The following TPTE variants were observed in gnomAD, a reference collection of about 807,000 sequenced individuals.
TPTE encodes transmembrane phosphatase with tensin homology.
In TPTE, 59 loss-of-function variants were observed where a neutral mutation model predicts 84.1. That is an observed-to-expected ratio of 0.70 (90% CI 0.57 to 0.87). The LOEUF is 0.87. Among genes scored for constraint, TPTE ranks in the 40% least tolerant of loss-of-function variants. TPTE has a pLI of 0.00. For missense variants in TPTE, 382 were observed against 659.6 expected (o/e 0.58, Z 4.61); for synonymous variants, 130 against 223.5 (o/e 0.58, Z 3.73).
At chr21:10,560,341 TTAA>T (rs1405500104) in intron 9 of TPTE, among the ~76,000 whole-genome samples, 29 of 152,402 alleles carry the variant, frequency 1.9e-4, no homozygotes, top group African/African-American at 6.5e-4. Flanking sequence ...TCCTTTTGAA[TTAA>T]TAATATTTGA....
chr21:10,543,592 CCATA>C (rs2074411893), intron 7 of TPTE, among the ~76,000 whole-genome samples: 2 of 152,306 alleles, frequency 1.3e-5, no homozygotes, highest in South Asian at 4.1e-4. Context: ...GCCTGCATGG[CCATA>C]CAGAGTGTTT....
At chr21:10,583,688 T>C (rs1346221584) in intron 17 of TPTE, among the ~76,000 whole-genome samples, 12 of 152,294 alleles carry the variant, frequency 7.9e-5, no homozygotes, top group Admixed American at 4.6e-4. Context: ...TGTATTTTCT[T>C]CGAGAAGGTT....
chr21:10,545,638 A>C (rs1264583810), intron 7 of TPTE, among the ~76,000 whole-genome samples: 3 of 145,932 alleles, frequency 2.1e-5, no homozygotes, highest in African/African-American at 8.3e-5. Flanking sequence ...ATCTATCTAC[A>C]CACACACACA....
chr21:10,538,849 TAC>T, intron 4 of TPTE, 115 bp downstream of exon 4: 10 of 1,606,658 alleles, frequency 6.2e-6, no homozygotes, highest in Non-Finnish European at 8.5e-6. Context: ...CATCCATCCG[TAC>T]ACACTTCTCT....
intron 3 of TPTE, among the ~76,000 whole-genome samples, chr21:10,529,793 C>T (rs2074144421): frequency 6.6e-6 from 1 of 152,302 alleles, no homozygotes; most frequent in Admixed American, 6.5e-5. Flanking sequence ...TACTTTCAGT[C>T]TATGTTAAAA....
intron 8 of TPTE, among the ~76,000 whole-genome samples, chr21:10,553,341 C>G (rs1365884340): frequency 6.6e-6 from 1 of 152,308 alleles, no homozygotes; most frequent in Non-Finnish European, 1.5e-5. Flanking sequence ...TATAACCATT[C>G]ACCAGCTTGT....
intron 7 of TPTE, among the ~76,000 whole-genome samples, chr21:10,548,143 G>C (rs2074504774): frequency 6.6e-6 from 1 of 152,304 alleles, no homozygotes; most frequent in Non-Finnish European, 1.5e-5. Context: ...CTGTATCTCA[G>C]ACCTGAGAGA....
chr21:10,561,484 T>C (rs2074802954), intron 10 of TPTE, among the ~76,000 whole-genome samples: 1 of 143,080 alleles, frequency 7.0e-6, no homozygotes, highest in African/African-American at 2.7e-5. Context: ...AGGGTGAGAC[T>C]CCATCTCAAA....
At chr21:10,549,318 C>T (rs1453276523) in intron 7 of TPTE, among the ~76,000 whole-genome samples, 1 of 152,420 alleles carries the variant, frequency 6.6e-6, no homozygotes, top group African/African-American at 2.4e-5. Flanking sequence ...CATGAAAATG[C>T]AAGAAAACAT....
At chr21:10,575,317 C>G (rs2075128594) in intron 14 of TPTE, among the ~76,000 whole-genome samples, 1 of 152,310 alleles carries the variant, frequency 6.6e-6, no homozygotes, top group African/African-American at 2.4e-5. Context: ...CCTGTAGGGG[C>G]TTTAACCACT....
intron 21 of TPTE, among the ~76,000 whole-genome samples, chr21:10,600,353 G>T (rs527939010): frequency 2.0e-5 from 3 of 152,422 alleles, no homozygotes; most frequent in African/African-American, 7.2e-5. Flanking sequence ...TGGTCAGGCT[G>T]GTCTCAAACT....
intron 17 of TPTE, among the ~76,000 whole-genome samples, chr21:10,580,721 T>A (rs2075256822): frequency 6.6e-6 from 1 of 152,312 alleles, no homozygotes; most frequent in South Asian, 2.1e-4. Flanking sequence ...CTGTTTTTGT[T>A]CCAGTAATAT....
Position 10,605,310 on chromosome 21 carries a change from A to G in TPTE, c.1521-107A>G, listed in dbSNP as rs1426711805. ...CAAAAAAAGGGCTGAGGTTCTATTC[A>G]TGGTGAGGTTCTTTTTTTGTTTCTT... On this transcript the variant is annotated intron_variant, in intron 23 of 23. Coordinates refer to ENST00000618007, the MANE Select transcript of TPTE (RefSeq NM_199261.4). The G allele has an allele frequency of 2.1e-6, 3 of 1,427,672 alleles. No individual in the cohort carries two copies. In the African/African-American group the frequency reaches 4.4e-5, roughly 21 times the overall value. 88.4% of individuals were successfully genotyped at this position (1,427,672 alleles called of 1,614,324 possible).
At chr21:10,547,952 C>T (rs1378415935) in intron 7 of TPTE, among the ~76,000 whole-genome samples, 2 of 152,312 alleles carry the variant, frequency 1.3e-5, no homozygotes, top group African/African-American at 2.4e-5. Context: ...GCAGCTGATA[C>T]ACCCACAGGT....
chr21:10,594,457 T>C (rs1333802268), intron 19 of TPTE, among the ~76,000 whole-genome samples: 290 of 151,878 alleles, frequency 1.9e-3, no homozygotes, highest in African/African-American at 6.8e-3. Context: ...TTTTCTTTGT[T>C]TGTAGTGAGT....
At chr21:10,545,716 AAT>A (rs879872517) in intron 7 of TPTE, among the ~76,000 whole-genome samples, 5 of 152,074 alleles carry the variant, frequency 3.3e-5, no homozygotes, top group South Asian at 2.1e-4. Flanking sequence ...CTATATATGT[AAT>A]ATATATAGAT....
chr21:10,576,483 C>T (rs555187591), intron 14 of TPTE: 178 of 158,758 alleles, frequency 1.1e-3, no homozygotes, highest in Non-Finnish European at 1.0e-3. Flanking sequence ...GGAGGATACA[C>T]CTGAAGTATA....
At chr21:10,529,183 CA>C (rs3049947) in intron 3 of TPTE, among the ~76,000 whole-genome samples, 3,460 of 143,754 alleles carry the variant, frequency 0.024, no homozygotes, top group Admixed American at 0.056. Context: ...AACTCTGTCT[CA>C]AAAAAAAAAA....
intron 9 of TPTE, among the ~76,000 whole-genome samples, chr21:10,560,546 T>G (rs908818770): frequency 6.6e-6 from 1 of 152,308 alleles, no homozygotes; most frequent in Non-Finnish European, 1.5e-5. Context: ...AATCATGTAC[T>G]TGTTGAAAAT....
Sources: allele counts gnomAD v4.1 joint callset (sites outside exome capture counted in the v4.1 genomes callset), GRCh38; gene constraint gnomAD v4.1.1; transcripts MANE v1.5; gene names NCBI Gene and HGNC (gene_info 2026-07-23, HGNC 2026-07-21).